SNTB2: variants seen among roughly 807,000 people sequenced by gnomAD.
SNTB2 encodes the protein beta-2-syntrophin.
SNTB2 carries 34 observed loss-of-function variants against 46.2 expected under a neutral mutation model. The observed-to-expected ratio is 0.74, with a 90% CI of 0.56 to 0.98. The LOEUF is 0.98. Ranked by LOEUF, SNTB2 falls within the 50% of genes least tolerant of loss-of-function variation. The pLI, the probability that SNTB2 is intolerant of heterozygous loss-of-function variation, is 0.00. For synonymous variants in SNTB2, 290 were observed against 312.6 expected (o/e 0.93, Z 0.76); for missense variants, 603 against 731.4 (o/e 0.82, Z 2.02).
chr16:69,228,115 G>A (rs886357744), intron 1 of SNTB2, among the ~76,000 whole-genome samples: 1 of 152,044 alleles, frequency 6.6e-6, no homozygotes, highest in African/African-American at 2.4e-5. Flanking sequence ...AGTGCCTAAT[G>A]TCTTTCAGAC....
At position 69,299,754 on chromosome 16, in the gene SNTB2, G is replaced by A; in HGVS notation, c.1510G>A (p.Gly504Ser). The change falls in exon 6 of 7, where the codon GGT (glycine) becomes AGT (serine). Residue 504 changes from glycine (G) to serine (S), a missense_variant. Physicochemically the swap from Gly to Ser is moderately conservative, Grantham distance 56. Transcript: ENST00000336278. ...DGIRNLYLDF[G>S]GPEGELTMDL... The stretch of plus-strand genomic sequence containing the variant: ...CATCCGAAATCTATACTTGGATTTT[G>A]GTGGTCCCGAGGGAGAACTGGTAAG... The A allele has an allele frequency of 6.2e-7, 1 of 1,614,106 alleles. No individual in the cohort carries two copies. Among genetic ancestry groups the A allele is most frequent in the Non-Finnish European group, 8.5e-7 (1 of 1,180,004 alleles).
At chr16:69,219,062 C>T (rs1426300182) in intron 1 of SNTB2, among the ~76,000 whole-genome samples, 1 of 152,114 alleles carries the variant, frequency 6.6e-6, no homozygotes, top group Non-Finnish European at 1.5e-5. Flanking sequence ...GAGTATTTAA[C>T]TTTATGGTGA....
At chr16:69,195,945 C>T (rs887844857) in intron 1 of SNTB2, among the ~76,000 whole-genome samples, 1 of 152,078 alleles carries the variant, frequency 6.6e-6, no homozygotes, top group African/African-American at 2.4e-5. Flanking sequence ...GGCTATAGGG[C>T]TTAAAATAAT....
chr16:69,308,336 A>G lies in SNTB2; in HGVS notation c.*7412A>G, dbSNP rs1965330660. The G allele has an allele frequency of 6.6e-6, 1 of 152,584 alleles. No homozygotes were observed. The highest frequency in any genetic ancestry group is 1.5e-5 in the Non-Finnish European group (1 of 68,036). The allele number at this position is 152,584 out of a possible 1,614,324, so 9.5% of individuals were successfully genotyped here. On this transcript the variant is annotated 3_prime_UTR_variant, in exon 7 of 7. Coordinates refer to ENST00000336278, the MANE Select transcript of SNTB2 (RefSeq NM_006750.4). ...ATTAATAGAATTGGGGGGAGAGGAA[A>G]TGATGATGTCAATTAAGTTTCAGGT...
At chr16:69,189,690 T>TGGAG (rs1964031810) in intron 1 of SNTB2, among the ~76,000 whole-genome samples, 1 of 152,116 alleles carries the variant, frequency 6.6e-6, no homozygotes, top group East Asian at 1.9e-4. Flanking sequence ...TGAGCCAAGA[T>TGGAG]CTCACCACTG....
chr16:69,267,443 T>G (rs557222717), intron 3 of SNTB2, among the ~76,000 whole-genome samples: 90 of 152,368 alleles, frequency 5.9e-4, no homozygotes, highest in Admixed American at 3.0e-3. Context: ...GAAATTTTTT[T>G]GGGATATCTG....
At chr16:69,258,085 C>T (rs929045421) in intron 2 of SNTB2, among the ~76,000 whole-genome samples, 3 of 152,200 alleles carry the variant, frequency 2.0e-5, no homozygotes, top group African/African-American at 7.2e-5. Flanking sequence ...TGCTAGTATA[C>T]TTGTAAATTG....
At chr16:69,280,179 T>C (rs1965026133) in intron 4 of SNTB2, among the ~76,000 whole-genome samples, 1 of 152,108 alleles carries the variant, frequency 6.6e-6, no homozygotes, top group African/African-American at 2.4e-5. Context: ...GGGTTGGGGG[T>C]AAGGTCACCG....
rs60116168 is a variant in SNTB2, at chr16:69,219,718, A to ATTTTGTTTTG, written c.581-25844_581-25835dup. Among the ~76,000 whole-genome samples, 977 of 140,846 alleles carry ATTTTGTTTTG rather than the reference A, an allele frequency of 6.9e-3. 8 individuals are homozygous for ATTTTGTTTTG. The highest frequency in any genetic ancestry group is 0.021 in the Middle Eastern group (6 of 282). The allele number at this position is 140,846 out of a possible 152,430, so 92.4% of individuals were successfully genotyped here. A position where few individuals can be genotyped will look rare whatever the true frequency, so the allele number is the denominator to read the frequency against. Reference sequence around the variant, plus strand: ...AGTCATAGAAACCAGATTTTATTTTATTTTGTTTTGTTTTGTTTTGTTTTG... The same window carrying ATTTTGTTTTG: ...AGTCATAGAAACCAGATTTTATTTTATTTTGTTTTGTTTTGTTTTGTTTTGTTTTGTTTTG... On this transcript the variant is annotated intron_variant, in intron 1 of 6. Coordinates refer to ENST00000336278, the MANE Select transcript of SNTB2 (RefSeq NM_006750.4).
intron 3 of SNTB2, among the ~76,000 whole-genome samples, chr16:69,261,096 G>C (rs566863718): frequency 6.6e-6 from 1 of 150,994 alleles, no homozygotes; most frequent in Non-Finnish European, 1.5e-5. Context: ...GAGTGTTTAA[G>C]TGCTAGCTCT....
At position 69,196,887 on chromosome 16, in the gene SNTB2, A is replaced by C. The variant is rs146351864; in HGVS notation, c.580+9141A>C. On this transcript the variant is annotated intron_variant, in intron 1 of 6. Transcript: ENST00000336278. Reference sequence around the variant, plus strand: ...CTCTCTGGTGGATCAGTTTGGGTTAAGAAGCTAGCAAGTCTAAAGACAGGA... The same window carrying C: ...CTCTCTGGTGGATCAGTTTGGGTTACGAAGCTAGCAAGTCTAAAGACAGGA... Among the ~76,000 whole-genome samples, 7 of 152,334 alleles carry C rather than the reference A, an allele frequency of 4.6e-5. No individual in the cohort carries two copies. The East Asian group carries it at 1.3e-3, about 29-fold the overall frequency.
At chr16:69,192,048 T>A (rs1445662641) in intron 1 of SNTB2, among the ~76,000 whole-genome samples, 1 of 152,198 alleles carries the variant, frequency 6.6e-6, no homozygotes, top group Non-Finnish European at 1.5e-5. Context: ...GGTGGGAAAC[T>A]GATGCAATTC....
chr16:69,283,814 T>A (rs1275717613), intron 4 of SNTB2, among the ~76,000 whole-genome samples: 1 of 152,046 alleles, frequency 6.6e-6, no homozygotes, highest in African/African-American at 2.4e-5. Flanking sequence ...GGCAGGAGGA[T>A]TATTTGAGCC....
At chr16:69,230,286 T>A (rs1479681098) in intron 1 of SNTB2, 4 of 152,202 alleles carry the variant, frequency 2.6e-5, no homozygotes, top group Admixed American at 2.6e-4. Context: ...ATACTTTTTT[T>A]AATATATAAA....
chr16:69,213,506 A>T (rs1048109731), intron 1 of SNTB2, among the ~76,000 whole-genome samples: 3 of 148,406 alleles, frequency 2.0e-5, no homozygotes, highest in African/African-American at 2.5e-5. Context: ...TATTCTTCTT[A>T]TTTTTTTTTT....
chr16:69,261,065 T>C (rs1293413319), intron 3 of SNTB2, among the ~76,000 whole-genome samples: 1 of 152,032 alleles, frequency 6.6e-6, no homozygotes, highest in Non-Finnish European at 1.5e-5. Flanking sequence ...AAAAAAGGAC[T>C]GGACTAGGGG....
chr16:69,298,610 C>T (rs1965249183), intron 5 of SNTB2, among the ~76,000 whole-genome samples: 1 of 149,102 alleles, frequency 6.7e-6, no homozygotes, highest in Non-Finnish European at 1.5e-5. Context: ...CAACCTCTGC[C>T]TCCCAGGTGC....
chr16:69,220,912 A>G (rs1430374328), intron 1 of SNTB2, among the ~76,000 whole-genome samples: 1 of 152,096 alleles, frequency 6.6e-6, no homozygotes, highest in Admixed American at 6.6e-5. Context: ...ATCACCCCCA[A>G]AAGTTCCCCT....
chr16:69,192,022 T>A (rs1407703639), intron 1 of SNTB2, among the ~76,000 whole-genome samples: 1 of 151,712 alleles, frequency 6.6e-6, no homozygotes, highest in East Asian at 1.9e-4. Flanking sequence ...GAGTGAGAGG[T>A]TGAAGAGATA....
Sources: gnomAD v4.1 joint callset for allele counts (sites outside exome capture counted in the v4.1 genomes callset) on GRCh38, gnomAD v4.1.1 for gene constraint, MANE v1.5 for transcripts, NCBI Gene and HGNC (gene_info 2026-07-23, HGNC 2026-07-21) for gene names.